Variants in SHTN1 observed in about 807,000 individuals in gnomAD.
SHTN1 encodes the protein shootin 1, also known as shootin-1.
In SHTN1, 42 loss-of-function variants were observed where a neutral mutation model predicts 83.1. That is an observed-to-expected ratio of 0.51 (90% CI 0.39 to 0.65). SHTN1 has a LOEUF of 0.65. Among genes scored for constraint, SHTN1 ranks in the 30% least tolerant of loss-of-function variants. The pLI is 0.00. For missense variants in SHTN1, 622 were observed against 737.8 expected, an observed-to-expected ratio of 0.84 and a Z score of 1.82; for synonymous variants, 224 against 247.7, an observed-to-expected ratio of 0.90 and a Z score of 0.90.
chr10:117,006,476 G>C (rs1852013301), upstream of SHTN1, among the ~76,000 whole-genome samples: 1 of 149,596 alleles, frequency 6.7e-6, no homozygotes, highest in African/African-American at 2.5e-5. Context: ...TGAGGCAGGA[G>C]AATGGCGTGA....
rs1589803247 is a variant in SHTN1 at position 116,915,557 on chromosome 10, G to A, written c.1196-73C>T. On this transcript the variant is annotated intron_variant, in intron 12 of 16. Coordinates refer to ENST00000355371, the MANE Select transcript of SHTN1 (RefSeq NM_001127211.3). ...GCTACTTCCTATTTTTGGTGACTTG[G>A]AAAAATTACACTATGCAATTAATCA... 3.6e-6 allele frequency: 3 copies of A among 829,440 alleles called. No homozygotes were observed. In the East Asian group the frequency reaches 7.6e-5, roughly 21 times the overall value. 51.4% of individuals were successfully genotyped at this position (829,440 alleles called of 1,614,324 possible). A position where few individuals can be genotyped will look rare whatever the true frequency, so the allele number is the denominator to read the frequency against.
chr10:116,882,287 G>C lies in SHTN1; in HGVS notation c.*4057C>G, dbSNP rs1847039242. 1 of 151,194 alleles carries C rather than the reference G, an allele frequency of 6.6e-6. No individual in the cohort carries two copies. The highest frequency in any genetic ancestry group is 6.6e-5 in the Admixed American group (1 of 15,132). The allele number at this position is 151,194 out of a possible 1,614,324, so 9.4% of individuals were successfully genotyped here. A position where few individuals can be genotyped will look rare whatever the true frequency, so the allele number is the denominator to read the frequency against. ...CGAGTCTTCTTAGATCCTTTTTGGA[G>C]TAAGAATGAGTATAAATGAATAAGC... On this transcript the variant is annotated 3_prime_UTR_variant, in exon 17 of 17. Transcript: ENST00000355371.
chr10:117,075,474 A>C (rs553011985), intron 1 of SHTN1, among the ~76,000 whole-genome samples: 1 of 152,344 alleles, frequency 6.6e-6, no homozygotes, highest in African/African-American at 2.4e-5. Flanking sequence ...GACACTGAGG[A>C]TGCAACAGTG....
chr10:117,058,179 CT>C (rs1852852100), intron 1 of SHTN1, among the ~76,000 whole-genome samples: 2 of 152,114 alleles, frequency 1.3e-5, no homozygotes, highest in South Asian at 4.1e-4. Context: ...ACAAGTTGGA[CT>C]CCATGAAAAT....
At chr10:117,033,901 A>G (rs1485028614) in intron 2 of SHTN1, among the ~76,000 whole-genome samples, 2 of 152,216 alleles carry the variant, frequency 1.3e-5, no homozygotes, top group African/African-American at 2.4e-5. Flanking sequence ...GTGATACATC[A>G]TATCACAGAA....
intron 1 of SHTN1, among the ~76,000 whole-genome samples, chr10:116,986,237 A>G (rs754281224): frequency 1.2e-4 from 18 of 152,192 alleles, no homozygotes; most frequent in Non-Finnish European, 1.5e-5. Flanking sequence ...AAACAAATTG[A>G]AAATCAACAA....
At chr10:116,898,352 G>C (rs1847596006) in intron 16 of SHTN1, among the ~76,000 whole-genome samples, 1 of 151,658 alleles carries the variant, frequency 6.6e-6, no homozygotes, top group African/African-American at 2.4e-5. Flanking sequence ...CTATAATTTA[G>C]AATTTTCTCT....
chr10:117,020,616 A>C (rs1385819331), intron 2 of SHTN1, among the ~76,000 whole-genome samples: 1 of 152,070 alleles, frequency 6.6e-6, no homozygotes, highest in Non-Finnish European at 1.5e-5. Context: ...GATAAAGAAA[A>C]GAACAAACCT....
At chr10:117,121,306 G>C (rs1247487434) in intron 1 of SHTN1, among the ~76,000 whole-genome samples, 4 of 152,186 alleles carry the variant, frequency 2.6e-5, no homozygotes, top group African/African-American at 9.6e-5. Context: ...GGCCAGGCGT[G>C]GTGGCTTACG....
upstream of SHTN1, chr10:117,005,588 C>T (rs1851991415): frequency 1.0e-6 from 1 of 991,390 alleles, no homozygotes; most frequent in Non-Finnish European, 1.2e-6. Flanking sequence ...GAGCCATGAA[C>T]GCCTGGGCTT....
chr10:117,111,972 G>A (rs530063804), intron 1 of SHTN1, among the ~76,000 whole-genome samples: 1 of 151,878 alleles, frequency 6.6e-6, no homozygotes, highest in Admixed American at 6.6e-5. Flanking sequence ...TTTTGTTTTT[G>A]TTTTTTCTTT....
At chr10:116,905,281 C>G (rs1385097603) in intron 15 of SHTN1, among the ~76,000 whole-genome samples, 4 of 151,162 alleles carry the variant, frequency 2.6e-5, no homozygotes, top group African/African-American at 9.7e-5. Context: ...AAGGATGACT[C>G]AAGCACTGAT....
At chr10:117,064,128 T>C (rs1408025385) in intron 1 of SHTN1, among the ~76,000 whole-genome samples, 2 of 152,154 alleles carry the variant, frequency 1.3e-5, no homozygotes, top group Admixed American at 1.3e-4. Context: ...TGGAAAGTCA[T>C]ATATTCTTAT....
intron 2 of SHTN1, among the ~76,000 whole-genome samples, chr10:117,026,099 C>T (rs1391002230): frequency 6.6e-6 from 1 of 151,390 alleles, no homozygotes; most frequent in Non-Finnish European, 1.5e-5. Context: ...GGAGGTAGAG[C>T]ACCAAGTAGG....
intron 1 of SHTN1, among the ~76,000 whole-genome samples, chr10:116,994,762 C>CT (rs1564920953): frequency 6.6e-6 from 1 of 151,962 alleles, no homozygotes; most frequent in Non-Finnish European, 1.5e-5. Context: ...TGTTTTGAAT[C>CT]TTTTTTACAA....
At chr10:116,909,175 T>C (rs919073439) in intron 14 of SHTN1, among the ~76,000 whole-genome samples, 1 of 152,176 alleles carries the variant, frequency 6.6e-6, no homozygotes, top group African/African-American at 2.4e-5. Flanking sequence ...AATAAGTCAT[T>C]GATAGGGCTG....
At chr10:116,972,438 C>T (rs894363376) in intron 2 of SHTN1, among the ~76,000 whole-genome samples, 5 of 152,152 alleles carry the variant, frequency 3.3e-5, no homozygotes, top group African/African-American at 7.2e-5. Context: ...GGAGGATGTA[C>T]GCATTTACTA....
intron 11 of SHTN1, among the ~76,000 whole-genome samples, chr10:116,926,576 A>T (rs1013425566): frequency 1.1e-4 from 16 of 152,244 alleles, no homozygotes; most frequent in Non-Finnish European, 4.4e-5. Flanking sequence ...TTTAAAAGGC[A>T]AAGTCCCATT....
chr10:116,976,364 T>C (rs1009298946), intron 2 of SHTN1, among the ~76,000 whole-genome samples: 7 of 152,134 alleles, frequency 4.6e-5, no homozygotes, highest in African/African-American at 9.7e-5. Flanking sequence ...CCGCCTCCCA[T>C]TGATAAGGTT....
Sources: allele counts gnomAD v4.1 joint callset (sites outside exome capture counted in the v4.1 genomes callset), GRCh38; gene constraint gnomAD v4.1.1; transcripts MANE v1.5; gene names NCBI Gene and HGNC (gene_info 2026-07-23, HGNC 2026-07-21).